Variants in FBXO8 observed in about 807,000 individuals in gnomAD.
FBXO8 encodes F-box protein 8, also known as F-box only protein 8.
Under a neutral mutation model 33.4 loss-of-function variants are expected in FBXO8, and 15 were observed. The ratio of observed to expected loss-of-function variants is 0.45; its 90% confidence interval spans 0.30 to 0.69. The LOEUF is 0.69. Among genes scored for constraint, FBXO8 ranks in the 30% least tolerant of loss-of-function variants. The probability of loss-of-function intolerance (pLI) is 0.08; values close to 1 mark genes in which losing one functional copy is unlikely to be tolerated. For missense variants in FBXO8, 274 were observed against 380.3 expected (o/e 0.72, Z 2.32); for synonymous variants, 132 against 131.5 (o/e 1.00, Z -0.02).
rs1188594147 is a variant in FBXO8, at chr4:174,265,654, G to A, written c.-8-2554C>T. 2.0e-5 allele frequency among the ~76,000 whole-genome samples: 3 copies of A among 152,102 alleles called. No individual in the cohort carries two copies. In the South Asian group the frequency reaches 6.2e-4, roughly 32 times the overall value. On this transcript the variant is annotated intron_variant, in intron 1 of 5. Transcript: ENST00000393674. The surrounding 1 kb of genome is among the most constrained non-coding windows in gnomAD (Gnocchi z 4.7). ...TCTAATTATAAGACATTCTGGAAAAGGCAAAACTATGGAGACAGTAGAAAT... is the reference window on the plus strand; with the variant it reads ...TCTAATTATAAGACATTCTGGAAAAAGCAAAACTATGGAGACAGTAGAAAT...
chr4:174,255,016 C>T lies in FBXO8; in HGVS notation c.456+4683G>A, dbSNP rs2126428454. Among the ~76,000 whole-genome samples, 1 of 152,210 alleles carries T rather than the reference C, an allele frequency of 6.6e-6. No individual in the cohort carries two copies. The highest frequency in any genetic ancestry group is 2.1e-4 in the South Asian group (1 of 4,826). On this transcript the variant is annotated intron_variant, in intron 3 of 5. Transcript: ENST00000393674. The surrounding 1 kb of genome is among the most constrained non-coding windows in gnomAD (Gnocchi z 4.3). ...TTAGATATATATTGCATATAACATC[C>T]CCCTTGTTAGATAGTCACGATGTAC...
chr4:174,280,844 G>A (rs558985395), intron 1 of FBXO8, among the ~76,000 whole-genome samples: 2 of 152,250 alleles, frequency 1.3e-5, no homozygotes, highest in African/African-American at 4.8e-5. Flanking sequence ...GAAACAAAAG[G>A]TAGAATGGTG....
chr4:174,269,235 C>T (rs930551266), intron 1 of FBXO8: 2 of 151,684 alleles, frequency 1.3e-5, no homozygotes, highest in African/African-American at 4.9e-5. Flanking sequence ...TTCATAATTA[C>T]TTAGGTCACA....
chr4:174,249,785 T>C (rs1436061584), intron 3 of FBXO8, among the ~76,000 whole-genome samples: 3 of 151,966 alleles, frequency 2.0e-5, no homozygotes, highest in Non-Finnish European at 4.4e-5. Flanking sequence ...TCAAAAAGAT[T>C]AAACTCAGCA....
chr4:174,262,939 C>A lies in FBXO8; in HGVS notation c.154G>T (p.Asp52Tyr). The A allele has an allele frequency of 6.2e-7, 1 of 1,614,034 alleles. No homozygotes were observed. The highest frequency in any genetic ancestry group is 1.1e-5 in the South Asian group (1 of 91,074). Residue 52 changes from aspartate to tyrosine, a missense_variant, in exon 2 of 6, where the codon GAC becomes TAC. This residue lies in a region of FBXO8 where 88 missense variants were observed against 86.9 expected (regional missense o/e 1.01). Coordinates refer to ENST00000393674, the MANE Select transcript of FBXO8 (RefSeq NM_012180.3). The surrounding 1 kb of genome is among the most constrained non-coding windows in gnomAD (Gnocchi z 4.6). Reference protein sequence around the residue: ...NHRKQVQGGIDIYHLLKARKS... With the variant: ...NHRKQVQGGIYIYHLLKARKS... ...CTTGCCTTCAAAAGATGATATATGT[C>A]AATGCCTCCTTGGACTTGTTTACGA...
chr4:174,248,060 G>T (rs1876515), intron 3 of FBXO8, among the ~76,000 whole-genome samples: 1 of 151,686 alleles, frequency 6.6e-6, no homozygotes, highest in Non-Finnish European at 1.5e-5. Flanking sequence ...TTTTGGCTGC[G>T]GTGAAATAAG....
At position 174,265,238 on chromosome 4, in the gene FBXO8, A is replaced by AAAAAGCTTTTAATT. The variant is rs1736667078; in HGVS notation, c.-8-2139_-8-2138insAATTAAAAGCTTTT. On this transcript the variant is annotated intron_variant, in intron 1 of 5. Transcript: ENST00000393674. This position sits in a 1 kb window ranked among gnomAD's most constrained non-coding sequence, Gnocchi z 4.7. ...CATTAGCTGAATCATTTACCTAAAT[A>AAAAAGCTTTTAATT]AAAGCTTTTTATTTAGGTATTTACC... 7.3e-6 allele frequency among the ~76,000 whole-genome samples: 1 copy of AAAAAGCTTTTAATT among 137,628 alleles called. No individual in the cohort carries two copies. Among genetic ancestry groups the AAAAAGCTTTTAATT allele is most frequent in the South Asian group, 2.2e-4 (1 of 4,516 alleles). The allele number at this position is 137,628 out of a possible 152,430, so 90.3% of individuals were successfully genotyped here.
intron 1 of FBXO8, among the ~76,000 whole-genome samples, chr4:174,279,712 AG>A (rs1350103891): frequency 4.6e-5 from 7 of 152,220 alleles, no homozygotes; most frequent in African/African-American, 1.7e-4. Context: ...TATGGTCAAA[AG>A]ATTTTTGACT....
At position 174,237,206 on chromosome 4, in the gene FBXO8, C is replaced by A. The variant is rs1355809394; in HGVS notation, c.*206G>T. The A allele has an allele frequency of 2.1e-6, 1 of 475,932 alleles. No individual in the cohort carries two copies. The highest frequency in any genetic ancestry group is 3.7e-6 in the Non-Finnish European group (1 of 267,944). The allele number at this position is 475,932 out of a possible 1,614,324, so 29.5% of individuals were successfully genotyped here. On this transcript the variant is annotated 3_prime_UTR_variant, in exon 6 of 6. Transcript: ENST00000393674. This position sits in a 1 kb window ranked among gnomAD's most constrained non-coding sequence, Gnocchi z 4.4. ...TCTGCTTTGTGCAAAACGTGATAAA[C>A]AAAATTAGGAAAAATTCTGCAAAAT...
chr4:174,238,850 G>A (rs1349293755), intron 5 of FBXO8, 144 bp downstream of exon 5: 1 of 505,678 alleles, frequency 2.0e-6, no homozygotes, highest in Non-Finnish European at 3.3e-6. Flanking sequence ...TGATGAAGTA[G>A]TCAGTCACTG....
rs1736038637 is a variant in FBXO8, at chr4:174,241,530, A to T, written c.457-312T>A. Reference sequence around the variant, plus strand: ...ATTTGGGGAAGGGGGCTGCAGATGAAACCACAATACAGACGTTAAAACAAG... The same window carrying T: ...ATTTGGGGAAGGGGGCTGCAGATGATACCACAATACAGACGTTAAAACAAG... On this transcript the variant is annotated intron_variant, in intron 3 of 5. Transcript: ENST00000393674. The surrounding 1 kb of genome is among the most constrained non-coding windows in gnomAD (Gnocchi z 4.2). Among the ~76,000 whole-genome samples the T allele has an allele frequency of 6.6e-6, 1 of 151,578 alleles. No individual in the cohort carries two copies. Among genetic ancestry groups the T allele is most frequent in the African/African-American group, 2.4e-5 (1 of 41,402 alleles).
chr4:174,270,625 T>C lies in FBXO8; in HGVS notation c.-8-7525A>G, dbSNP rs995802260. ...GCTCATGTCTTAGGAATAGTATTTT[T>C]TTTTTTTTTTGAGATTTAGTCTTGT... On this transcript the variant is annotated intron_variant, in intron 1 of 5. Transcript: ENST00000393674. This position sits in a 1 kb window ranked among gnomAD's most constrained non-coding sequence, Gnocchi z 4.6. Among the ~76,000 whole-genome samples the C allele has an allele frequency of 6.6e-6, 1 of 152,028 alleles. No individual in the cohort carries two copies. Among genetic ancestry groups the C allele is most frequent in the Non-Finnish European group, 1.5e-5 (1 of 68,002 alleles).
rs550279280 is a variant in FBXO8 at position 174,277,838 on chromosome 4, T to C, written c.-9+5572A>G. 4.5e-4 allele frequency among the ~76,000 whole-genome samples: 68 copies of C among 152,312 alleles called. 2 individuals are homozygous for C. The highest frequency in any genetic ancestry group is 2.0e-3 in the Admixed American group (30 of 15,302). The stretch of plus-strand genomic sequence containing the variant: ...TTCTAACGATAAGGAAATCCACTTA[T>C]ATGTTTTTATAAATTTTCAGTGCTT... On this transcript the variant is annotated intron_variant, in intron 1 of 5. Coordinates refer to ENST00000393674, the MANE Select transcript of FBXO8 (RefSeq NM_012180.3). The surrounding 1 kb of genome is among the most constrained non-coding windows in gnomAD (Gnocchi z 4.9).
intron 3 of FBXO8, among the ~76,000 whole-genome samples, chr4:174,258,529 G>T (rs1736467750): frequency 1.3e-5 from 2 of 151,982 alleles, no homozygotes. Context: ...TGAAAGAAAA[G>T]AAATATCTGA....
Position 174,237,660 on chromosome 4 carries a change from C to A in FBXO8, c.773-61G>T. 7.2e-7 allele frequency: 1 copy of A among 1,388,154 alleles called. No individual in the cohort carries two copies. Among genetic ancestry groups the A allele is most frequent in the South Asian group, 1.4e-5 (1 of 72,362 alleles). The allele number at this position is 1,388,154 out of a possible 1,614,324, so 86.0% of individuals were successfully genotyped here. On this transcript the variant is annotated intron_variant, in intron 5 of 5. Coordinates refer to ENST00000393674, the MANE Select transcript of FBXO8 (RefSeq NM_012180.3). This position sits in a 1 kb window ranked among gnomAD's most constrained non-coding sequence, Gnocchi z 4.4. ...GGTTTACAAAATATGATTCCAATGG[C>A]ATTATATAAGGCAAAAATGTTCATA...
chr4:174,253,272 T>A lies in FBXO8; in HGVS notation c.456+6427A>T, dbSNP rs908930375. ...TGCCACTAGAAGGAACCCCAAGACA[T>A]CTCTTGAGTTCCACCTATATCCTTT... On this transcript the variant is annotated intron_variant, in intron 3 of 5. Coordinates refer to ENST00000393674, the MANE Select transcript of FBXO8 (RefSeq NM_012180.3). The surrounding 1 kb of genome is among the most constrained non-coding windows in gnomAD (Gnocchi z 4.5). Among the ~76,000 whole-genome samples, 1 of 152,154 alleles carries A rather than the reference T, an allele frequency of 6.6e-6. No individual in the cohort carries two copies. Among genetic ancestry groups the A allele is most frequent in the South Asian group, 2.1e-4 (1 of 4,836 alleles).
chr4:174,241,044 C>G lies in FBXO8; in HGVS notation c.575+56G>C. ...GTATTAGTTTTAAAGTAAAACTTAA[C>G]TCATCAAAAACATTACTTAACTCAT... On this transcript the variant is annotated intron_variant, in intron 4 of 5. Coordinates refer to ENST00000393674, the MANE Select transcript of FBXO8 (RefSeq NM_012180.3). The surrounding 1 kb of genome is among the most constrained non-coding windows in gnomAD (Gnocchi z 4.2). 3 of 1,032,664 alleles carry G rather than the reference C, an allele frequency of 2.9e-6. No individual in the cohort carries two copies. The highest frequency in any genetic ancestry group is 4.4e-6 in the Non-Finnish European group (3 of 687,990). 64.0% of individuals were successfully genotyped at this position (1,032,664 alleles called of 1,614,324 possible). A position where few individuals can be genotyped will look rare whatever the true frequency, so the allele number is the denominator to read the frequency against.
chr4:174,281,605 T>C lies in FBXO8; in HGVS notation c.-9+1805A>G, dbSNP rs1737089029. ...CTGAAGGCTGAGGTGGGAGGGAGAATTGCTTGAACCTAGGAGGTCAAGGCT... is the reference window on the plus strand; with the variant it reads ...CTGAAGGCTGAGGTGGGAGGGAGAACTGCTTGAACCTAGGAGGTCAAGGCT... On this transcript the variant is annotated intron_variant, in intron 1 of 5. Transcript: ENST00000393674. This position sits in a 1 kb window ranked among gnomAD's most constrained non-coding sequence, Gnocchi z 4.6. Among the ~76,000 whole-genome samples, 1 of 152,118 alleles carries C rather than the reference T, an allele frequency of 6.6e-6. No homozygotes were observed. Among genetic ancestry groups the C allele is most frequent in the African/African-American group, 2.4e-5 (1 of 41,406 alleles).
chr4:174,258,628 C>T lies in FBXO8; in HGVS notation c.456+1071G>A, dbSNP rs537552065. 5.9e-5 allele frequency among the ~76,000 whole-genome samples: 9 copies of T among 152,016 alleles called. No individual in the cohort carries two copies. The East Asian group carries it at 1.4e-3, about 23-fold the overall frequency. The stretch of plus-strand genomic sequence containing the variant: ...AACTGGTAAGAAGTGTATCAGTAAA[C>T]CTTTGCAATGGCATTTTATTTTATT... On this transcript the variant is annotated intron_variant, in intron 3 of 5. Transcript: ENST00000393674.
Sources: gnomAD v4.1 joint callset for allele counts (sites outside exome capture counted in the v4.1 genomes callset) on GRCh38, gnomAD v4.1.1 for gene constraint, gnomAD v4.1.1 regional missense constraint, Gnocchi (gnomAD v3.1) non-coding constraint, MANE v1.5 for transcripts, NCBI Gene and HGNC (gene_info 2026-07-23, HGNC 2026-07-21) for gene names.